CLYBL: variants seen among roughly 807,000 people sequenced by gnomAD.
CLYBL encodes the protein citramalyl-CoA lyase, mitochondrial.
A neutral mutation model predicts 38.9 loss-of-function variants in CLYBL; 31 were observed. That is an observed-to-expected ratio of 0.80 (90% CI 0.60 to 1.08). CLYBL has a LOEUF of 1.08. Among genes scored for constraint, CLYBL ranks in the 50% least tolerant of loss-of-function variants. The pLI is 0.00. For synonymous variants in CLYBL, 171 were observed against 158.6 expected (o/e 1.08, Z -0.59); for missense variants, 434 against 411.6 (o/e 1.05, Z -0.47).
chr13:99,723,443 C>T (rs995471874), intron 1 of CLYBL, among the ~76,000 whole-genome samples: 1 of 152,166 alleles, frequency 6.6e-6, no homozygotes, highest in African/African-American at 2.4e-5. Flanking sequence ...TGTTTACAAA[C>T]AGTATCTTCT....
rs1173350614 is a variant in CLYBL at position 99,864,674 on chromosome 13, G to A, written c.541-144G>A. The A allele has an allele frequency of 4.6e-6, 3 of 646,936 alleles. No homozygotes were observed. In the African/African-American group the frequency reaches 5.5e-5, roughly 12 times the overall value. 40.1% of individuals were successfully genotyped at this position (646,936 alleles called of 1,614,324 possible). On this transcript the variant is annotated intron_variant, in intron 4 of 8. Transcript: ENST00000339105. ...GATGATATTAAATACCTTTTGAAAG[G>A]GGTAAATTTGGGCTGCGTTTTTAGG...
At chr13:99,719,313 T>C (rs887552322) in intron 1 of CLYBL, among the ~76,000 whole-genome samples, 1 of 151,532 alleles carries the variant, frequency 6.6e-6, no homozygotes, top group African/African-American at 2.4e-5. Flanking sequence ...CCTGGCTGAA[T>C]TATTTATTTA....
intron 1 of CLYBL, chr13:99,690,445 A>C (rs2139426975): frequency 6.6e-6 from 1 of 151,916 alleles, no homozygotes; most frequent in Middle Eastern, 3.4e-3. Context: ...AACTTCCCCC[A>C]TCCCCAGCAA....
At chr13:99,729,568 G>A (rs916498217) in intron 1 of CLYBL, among the ~76,000 whole-genome samples, 4 of 152,112 alleles carry the variant, frequency 2.6e-5, no homozygotes, top group African/African-American at 4.8e-5. Context: ...AAGTGAGGCC[G>A]GAGACTCATC....
At chr13:99,888,010 C>A (rs1219276511) in intron 7 of CLYBL, among the ~76,000 whole-genome samples, 3 of 152,114 alleles carry the variant, frequency 2.0e-5, no homozygotes, top group Admixed American at 1.3e-4. Flanking sequence ...CACCCACGAC[C>A]ATGCCCAGCT....
At chr13:99,898,148 A>T (rs2052604026), downstream of CLYBL, among the ~76,000 whole-genome samples, 2 of 152,350 alleles carry the variant, frequency 1.3e-5, no homozygotes, top group Admixed American at 6.5e-5. Flanking sequence ...AGATTCAGTG[A>T]CAAGAAACTG....
intron 1 of CLYBL, among the ~76,000 whole-genome samples, chr13:99,635,396 G>T (rs2047005115): frequency 6.6e-6 from 1 of 151,832 alleles, no homozygotes; most frequent in African/African-American, 2.4e-5. Context: ...GGCCTTCCTA[G>T]CCTGGCCCCT....
At chr13:99,781,202 G>A (rs574195557) in intron 2 of CLYBL, among the ~76,000 whole-genome samples, 1 of 148,272 alleles carries the variant, frequency 6.7e-6, no homozygotes, top group Non-Finnish European at 1.5e-5. Flanking sequence ...ACGGAGTCTC[G>A]CTGTGTCACG....
intron 2 of CLYBL, among the ~76,000 whole-genome samples, chr13:99,806,837 A>G (rs1287179550): frequency 6.6e-6 from 1 of 152,224 alleles, no homozygotes; most frequent in Admixed American, 6.5e-5. Flanking sequence ...GTTGGAAGTA[A>G]GGGCAGTGGA....
chr13:99,746,259 A>G (rs2048848983), intron 1 of CLYBL, among the ~76,000 whole-genome samples: 1 of 152,170 alleles, frequency 6.6e-6, no homozygotes, highest in African/African-American at 2.4e-5. Context: ...TGACCTTTAA[A>G]AAAAAGTTAA....
chr13:99,731,863 T>C (rs1032983910), intron 1 of CLYBL, among the ~76,000 whole-genome samples: 3 of 152,116 alleles, frequency 2.0e-5, no homozygotes, highest in Admixed American at 6.6e-5. Flanking sequence ...TTCACTTAGC[T>C]TTCGTATCTC....
downstream of CLYBL, among the ~76,000 whole-genome samples, chr13:99,900,005 C>T (rs1213645453): frequency 6.6e-6 from 1 of 152,132 alleles, no homozygotes; most frequent in Non-Finnish European, 1.5e-5. Context: ...TGGCTCACTG[C>T]AACCTCTGCC....
chr13:99,615,780 C>T (rs1386321769), intron 1 of CLYBL, among the ~76,000 whole-genome samples: 1 of 152,138 alleles, frequency 6.6e-6, no homozygotes, highest in African/African-American at 2.4e-5. Context: ...CTCACCCCAT[C>T]CTCCCTACCA....
In CLYBL at chr13:99,865,206, G is replaced by C. The variant is rs2139226805; in HGVS notation, c.634+295G>C. The C allele has an allele frequency of 2.6e-6, 1 of 390,468 alleles. No individual in the cohort carries two copies. Among genetic ancestry groups the C allele is most frequent in the Non-Finnish European group, 4.9e-6 (1 of 203,492 alleles). The allele number at this position is 390,468 out of a possible 1,614,324, so 24.2% of individuals were successfully genotyped here. A position where few individuals can be genotyped will look rare whatever the true frequency, so the allele number is the denominator to read the frequency against. ...CTCAGGAATATATGGCATCTCCTTT[G>C]CTCCTAATAAATATATTATGTGAAC... On this transcript the variant is annotated intron_variant, in intron 5 of 8. Transcript: ENST00000339105. The surrounding 1 kb of genome is among the most constrained non-coding windows in gnomAD (Gnocchi z 4.7).
intron 7 of CLYBL, among the ~76,000 whole-genome samples, chr13:99,872,956 TA>T (rs1261958787): frequency 6.9e-6 from 1 of 145,420 alleles, no homozygotes; most frequent in Non-Finnish European, 1.5e-5. Context: ...TTTTTTTTTT[TA>T]AATAAGAAAT....
At chr13:99,655,084 T>TA (rs1166827425) in intron 1 of CLYBL, among the ~76,000 whole-genome samples, 1 of 151,550 alleles carries the variant, frequency 6.6e-6, no homozygotes, top group Non-Finnish European at 1.5e-5. Context: ...TTCTTTCTTT[T>TA]TTTTTTTTTT....
chr13:99,870,869 C>T (rs555163116), intron 6 of CLYBL, 69 bp from the exon 7 acceptor site: 75 of 1,516,476 alleles, frequency 4.9e-5, no homozygotes, highest in Admixed American at 1.5e-4. Context: ...GAACCTCACG[C>T]GATAGAAACA....
chr13:99,639,246 C>T (rs1057395830), intron 1 of CLYBL, among the ~76,000 whole-genome samples: 1 of 152,206 alleles, frequency 6.6e-6, no homozygotes, highest in Non-Finnish European at 1.5e-5. Context: ...CCAGCCAGGA[C>T]GTCCAGGCAA....
At chr13:99,699,820 C>T (rs1048720659) in intron 1 of CLYBL, among the ~76,000 whole-genome samples, 15 of 151,340 alleles carry the variant, frequency 9.9e-5, no homozygotes, top group East Asian at 3.9e-4. Context: ...GGTGAAACCC[C>T]GTCTCTACTA....
Sources: allele counts gnomAD v4.1 joint callset (sites outside exome capture counted in the v4.1 genomes callset), GRCh38; gene constraint gnomAD v4.1.1; non-coding constraint Gnocchi (gnomAD v3.1); transcripts MANE v1.5; gene names NCBI Gene and HGNC (gene_info 2026-07-23, HGNC 2026-07-21).